The following FBXL17 variants were observed in gnomAD, a reference collection of about 807,000 sequenced individuals.
FBXL17 encodes F-box/LRR-repeat protein 17.
In FBXL17, 22 loss-of-function variants were observed where a neutral mutation model predicts 66.2. The observed-to-expected ratio is 0.33, with a 90% CI of 0.24 to 0.47. The LOEUF (loss-of-function observed/expected upper bound fraction) is 0.47. Among genes scored for constraint, FBXL17 ranks in the 20% least tolerant of loss-of-function variants. FBXL17 has a pLI of 1.00. For synonymous variants in FBXL17, 474 were observed against 400.5 expected (o/e 1.18, Z -2.19); for missense variants, 878 against 948.2 (o/e 0.93, Z 0.97).
chr5:108,018,227 T>A (rs1754456780), intron 7 of FBXL17, among the ~76,000 whole-genome samples: 1 of 152,194 alleles, frequency 6.6e-6, no homozygotes, highest in Admixed American at 6.5e-5. Flanking sequence ...CATCAAATTT[T>A]ACAATTTCTA....
chr5:108,321,719 A>C (rs1032823006), intron 4 of FBXL17, among the ~76,000 whole-genome samples: 1 of 151,896 alleles, frequency 6.6e-6, no homozygotes, highest in African/African-American at 2.4e-5. Context: ...ATTTAAAAAA[A>C]AAAACAAGAA....
At chr5:108,130,123 T>C (rs944926246) in intron 6 of FBXL17, among the ~76,000 whole-genome samples, 1 of 151,676 alleles carries the variant, frequency 6.6e-6, no homozygotes, top group Non-Finnish European at 1.5e-5. Flanking sequence ...TATATAACCA[T>C]GAACATAGTA....
At chr5:107,953,299 A>T (rs1315080135) in intron 7 of FBXL17, among the ~76,000 whole-genome samples, 1 of 148,452 alleles carries the variant, frequency 6.7e-6, no homozygotes, top group African/African-American at 2.5e-5. Flanking sequence ...GCTACTCGGG[A>T]GGCTGAGGCA....
intron 2 of FBXL17, 95 bp downstream of exon 2, chr5:108,367,736 C>A: frequency 8.9e-7 from 1 of 1,119,890 alleles, no homozygotes; most frequent in South Asian, 1.8e-5. Context: ...TTTGAACTAT[C>A]TTAAAAAACA....
chr5:107,923,939 G>A (rs1172954592), intron 7 of FBXL17, among the ~76,000 whole-genome samples: 1 of 152,018 alleles, frequency 6.6e-6, no homozygotes. Context: ...GGAGTGATGA[G>A]TGTGCTGAAG....
intron 4 of FBXL17, among the ~76,000 whole-genome samples, chr5:108,258,887 A>G (rs966492789): frequency 3.3e-5 from 5 of 152,142 alleles, no homozygotes; most frequent in Non-Finnish European, 7.4e-5. Flanking sequence ...GATCTGAGAA[A>G]CCAATAGAAA....
rs898298495 is a variant in FBXL17, at chr5:107,861,637, C to T, written c.*83G>A. On this transcript the variant is annotated 3_prime_UTR_variant, in exon 9 of 9. Transcript: ENST00000542267. ...CACACAGACAGGTGACAGTTAAAACCCTTCCGAGAGATCAGCTCCCCAAAT... is the reference window on the plus strand; with the variant it reads ...CACACAGACAGGTGACAGTTAAAACTCTTCCGAGAGATCAGCTCCCCAAAT... 10 of 1,332,474 alleles carry T rather than the reference C, an allele frequency of 7.5e-6. No homozygotes were observed. The highest frequency in any genetic ancestry group is 7.4e-5 in the African/African-American group (5 of 67,250). The allele number at this position is 1,332,474 out of a possible 1,614,324, so 82.5% of individuals were successfully genotyped here.
chr5:107,921,618 C>T (rs574648642), intron 7 of FBXL17, among the ~76,000 whole-genome samples: 1 of 152,292 alleles, frequency 6.6e-6, no homozygotes, highest in Non-Finnish European at 1.5e-5. Flanking sequence ...CCACATACAA[C>T]TTGAAGAGTT....
chr5:108,182,300 T>TGGAA (rs1753036464), intron 6 of FBXL17, among the ~76,000 whole-genome samples: 1 of 152,198 alleles, frequency 6.6e-6, no homozygotes, highest in South Asian at 2.1e-4. Context: ...GCCCTCTATA[T>TGGAA]GGAAGGTTAC....
At chr5:108,286,137 T>C (rs913388687) in intron 4 of FBXL17, among the ~76,000 whole-genome samples, 2 of 151,922 alleles carry the variant, frequency 1.3e-5, no homozygotes. Context: ...TGAAGAAACA[T>C]ACTTCAAAAT....
chr5:108,318,893 C>G lies in FBXL17; in HGVS notation c.1506+29506G>C, dbSNP rs377232750. Among the ~76,000 whole-genome samples the G allele has an allele frequency of 8.6e-5, 13 of 151,906 alleles. No homozygotes were observed. The East Asian group carries it at 2.5e-3, about 29-fold the overall frequency. The stretch of plus-strand genomic sequence containing the variant: ...ATCAATATTTTAAAAGCTCTGTTAA[C>G]TTTACAGTTTTAAAAATCATAGTGA... On this transcript the variant is annotated intron_variant, in intron 4 of 8. Coordinates refer to ENST00000542267, the MANE Select transcript of FBXL17 (RefSeq NM_001163315.3).
In FBXL17 at chr5:108,023,951, C is replaced by G. The variant is rs79838048; in HGVS notation, c.1746-2950G>C. On this transcript the variant is annotated intron_variant, in intron 6 of 8. Transcript: ENST00000542267. The stretch of plus-strand genomic sequence containing the variant: ...TTCTTCATCACCTTTCTTACAGATA[C>G]TACATAGAAGAACATTCATTAATCA... 7.7e-3 allele frequency among the ~76,000 whole-genome samples: 1,165 copies of G among 152,254 alleles called. 13 individuals carry two copies. The highest frequency in any genetic ancestry group is 0.026 in the African/African-American group (1,065 of 41,558).
At chr5:108,134,810 C>T (rs1024075361) in intron 6 of FBXL17, among the ~76,000 whole-genome samples, 1 of 152,172 alleles carries the variant, frequency 6.6e-6, no homozygotes, top group Non-Finnish European at 1.5e-5. Flanking sequence ...GCTTCTTCTG[C>T]AGAAATCCTC....
chr5:108,242,982 T>C (rs573578880), intron 4 of FBXL17, among the ~76,000 whole-genome samples: 2 of 152,212 alleles, frequency 1.3e-5, no homozygotes, highest in East Asian at 3.9e-4. Context: ...TTGGAATTCA[T>C]AGCTAATCAT....
intron 6 of FBXL17, among the ~76,000 whole-genome samples, chr5:108,056,263 G>C (rs1747705934): frequency 6.6e-6 from 1 of 152,176 alleles, no homozygotes; most frequent in African/African-American, 2.4e-5. Flanking sequence ...GCCTATCAGA[G>C]AGAAGCCAAA....
chr5:107,930,326 GC>G (rs1312021911), intron 7 of FBXL17, among the ~76,000 whole-genome samples: 2 of 152,046 alleles, frequency 1.3e-5, no homozygotes, highest in African/African-American at 4.8e-5. Context: ...GGCCTTTGTG[GC>G]CACTGTTCTC....
intron 4 of FBXL17, among the ~76,000 whole-genome samples, chr5:108,330,555 C>A (rs1368452651): frequency 6.6e-6 from 1 of 152,132 alleles, no homozygotes; most frequent in Non-Finnish European, 1.5e-5. Context: ...AAAGAACACA[C>A]ACAAATCAAC....
intron 6 of FBXL17, among the ~76,000 whole-genome samples, chr5:108,168,126 C>A (rs1752477932): frequency 6.6e-6 from 1 of 151,912 alleles, no homozygotes; most frequent in Non-Finnish European, 1.5e-5. Context: ...GTAGTCACAG[C>A]AAATTAAATA....
chr5:108,130,548 G>C (rs1750892116), intron 6 of FBXL17, among the ~76,000 whole-genome samples: 1 of 151,990 alleles, frequency 6.6e-6, no homozygotes. Flanking sequence ...TAGTAAAAAT[G>C]TAAAAACCCA....
Sources: gnomAD v4.1 joint callset for allele counts (sites outside exome capture counted in the v4.1 genomes callset) on GRCh38, gnomAD v4.1.1 for gene constraint, MANE v1.5 for transcripts, NCBI Gene and HGNC (gene_info 2026-07-23, HGNC 2026-07-21) for gene names.